TMEM214: variants seen among roughly 807,000 people sequenced by gnomAD.
The protein encoded by TMEM214 is transmembrane protein 214.
TMEM214 carries 71 observed loss-of-function variants against 89.8 expected under a neutral mutation model. The observed-to-expected ratio is 0.79, with a 90% CI of 0.65 to 0.96. The LOEUF is 0.96. TMEM214 is among the 40% of genes least tolerant of loss of function. TMEM214 has a pLI of 0.00. For missense variants in TMEM214, 754 were observed against 843.4 expected (o/e 0.89, Z 1.31); for synonymous variants, 332 against 349.5 (o/e 0.95, Z 0.56).
rs1300471317 is a variant in TMEM214 at position 27,038,664 on chromosome 2, C to G, written c.1294-38C>G. 1 of 1,607,826 alleles carries G rather than the reference C, an allele frequency of 6.2e-7. No homozygotes were observed. Among genetic ancestry groups the G allele is most frequent in the East Asian group, 2.2e-5 (1 of 44,822 alleles). On this transcript the variant is annotated intron_variant, in intron 11 of 16. Coordinates refer to ENST00000238788, the MANE Select transcript of TMEM214 (RefSeq NM_017727.5). The surrounding 1 kb of genome is among the most constrained non-coding windows in gnomAD (Gnocchi z 4.4). ...TGGAAAATGAAGCAGGATGGAAGCT[C>G]TGGATTCCCTCACAGGCCAGACCTT...
intron 9 of TMEM214, 177 bp from the exon 10 acceptor site, chr2:27,037,969 C>T (rs998512701): frequency 4.2e-5 from 65 of 1,555,956 alleles, no homozygotes; most frequent in Middle Eastern, 1.7e-4. Flanking sequence ...GAGCCCCAGC[C>T]TCCTGCTTTA....
rs779500677 is a variant in TMEM214 at position 27,037,708 on chromosome 2, G to T, written c.1152+6G>T. The T allele has an allele frequency of 3.7e-6, 6 of 1,613,986 alleles. No homozygotes were observed. In the African/African-American group the frequency reaches 8.0e-5, roughly 22 times the overall value. On this transcript the variant is annotated splice_donor_region_variant and intron_variant, in intron 9 of 16. Transcript: ENST00000238788. Reference sequence around the variant, plus strand: ...CCCCTGAGATGAAGAAAGAGGTGAGGATATGGTGGGAGGCTTTTTCTCCTT... The same window carrying T: ...CCCCTGAGATGAAGAAAGAGGTGAGTATATGGTGGGAGGCTTTTTCTCCTT...
At chr2:27,037,483 C>G in intron 8 of TMEM214, 78 bp from the exon 9 acceptor site, 1 of 1,577,946 alleles carries the variant, frequency 6.3e-7, no homozygotes. Flanking sequence ...CAGGCATGGG[C>G]TCTGAAGCAA....
At chr2:27,033,823 T>A (rs1558394280) in intron 1 of TMEM214, among the ~76,000 whole-genome samples, 1 of 152,058 alleles carries the variant, frequency 6.6e-6, no homozygotes, top group African/African-American at 2.4e-5. Flanking sequence ...CTACATACTC[T>A]GATTTGTCTA....
At chr2:27,039,219 C>T (rs964844188) in intron 13 of TMEM214, 55 bp downstream of exon 13, 46 of 1,449,046 alleles carry the variant, frequency 3.2e-5, no homozygotes, top group Non-Finnish European at 3.9e-5. Context: ...CAGAGCTACA[C>T]GTAGCACCAC....
rs554466610 is a variant in TMEM214, at chr2:27,041,059, C to T, written c.*222C>T. 4 of 554,618 alleles carry T rather than the reference C, an allele frequency of 7.2e-6. No individual in the cohort carries two copies. In the South Asian group the frequency reaches 9.6e-5, roughly 13 times the overall value. The allele number at this position is 554,618 out of a possible 1,614,324, so 34.4% of individuals were successfully genotyped here. On this transcript the variant is annotated 3_prime_UTR_variant, in exon 17 of 17. Transcript: ENST00000238788. ...ACAATTCCACTGAACACTTTTCTGGCCCTACTGCACATGGCCCCCAGCCTC... is the reference window on the plus strand; with the variant it reads ...ACAATTCCACTGAACACTTTTCTGGTCCTACTGCACATGGCCCCCAGCCTC...
intron 3 of TMEM214, 39 bp from the exon 4 acceptor site, chr2:27,035,555 T>C (rs1268231939): frequency 6.2e-7 from 1 of 1,611,394 alleles, no homozygotes; most frequent in Non-Finnish European, 8.5e-7. Context: ...CTGATGGGTG[T>C]CTGGTCCTAG....
At position 27,037,583 on chromosome 2, in the gene TMEM214, C is replaced by T; in HGVS notation, c.1033C>T (p.Leu345Phe). Residue 345 changes from leucine to phenylalanine, a missense_variant, in exon 9 of 17, where the codon CTC (leucine) becomes TTC (phenylalanine). Transcript: ENST00000238788. ...CAGCCTGCAGGAGCAGCTGTGTCAG[C>T]TCTACCCCCGACTGAAAGTGCTGGC... is the stretch of plus-strand genomic sequence containing the variant. ...TPSLQEQLCQ[L>F]YPRLKVLAFG... 1 of 1,614,206 alleles carries T rather than the reference C, an allele frequency of 6.2e-7. No individual in the cohort carries two copies. Among genetic ancestry groups the T allele is most frequent in the Non-Finnish European group, 8.5e-7 (1 of 1,180,036 alleles).
At chr2:27,033,263 C>A in intron 1 of TMEM214, 97 bp downstream of exon 1, 1 of 1,144,890 alleles carries the variant, frequency 8.7e-7, no homozygotes, top group Non-Finnish European at 1.1e-6. Context: ...GCAGGCACAT[C>A]CCCGAGCGCC....
At chr2:27,034,715 C>T in intron 2 of TMEM214, 1 of 209,146 alleles carries the variant, frequency 4.8e-6, no homozygotes, top group Non-Finnish European at 9.7e-6. Context: ...TCCCAAGCAG[C>T]TGGGATTACA....
chr2:27,038,036 G>A lies in TMEM214; in HGVS notation c.1153-110G>A, dbSNP rs1317973003. 6 of 1,609,868 alleles carry A rather than the reference G, an allele frequency of 3.7e-6. No homozygotes were observed. In the East Asian group the frequency reaches 8.9e-5, roughly 24 times the overall value. On this transcript the variant is annotated intron_variant, in intron 9 of 16. Coordinates refer to ENST00000238788, the MANE Select transcript of TMEM214 (RefSeq NM_017727.5). The surrounding 1 kb of genome is among the most constrained non-coding windows in gnomAD (Gnocchi z 4.4). Reference sequence around the variant, plus strand: ...CACTGTTTCTCCACCCCTTAGGGTGGATGTGCGGCCTGGATGGCCTTGCTT... The same window carrying A: ...CACTGTTTCTCCACCCCTTAGGGTGAATGTGCGGCCTGGATGGCCTTGCTT...
chr2:27,032,999 A>T lies in TMEM214; in HGVS notation c.-17A>T. On this transcript the variant is annotated 5_prime_UTR_variant, in exon 1 of 17. Coordinates refer to ENST00000238788, the MANE Select transcript of TMEM214 (RefSeq NM_017727.5). ...CGGAAAGCCGGGGAAGTGGCCGAGG[A>T]GGGAGGGCTGCGAGCCATGGCGACC... 8.0e-7 allele frequency: 1 copy of T among 1,244,060 alleles called. No homozygotes were observed. The highest frequency in any genetic ancestry group is 1.0e-6 in the Non-Finnish European group (1 of 986,582). 77.1% of individuals were successfully genotyped at this position (1,244,060 alleles called of 1,614,324 possible). A position where few individuals can be genotyped will look rare whatever the true frequency, so the allele number is the denominator to read the frequency against.
At chr2:27,036,974 G>T (rs1268331799) in intron 7 of TMEM214, 103 bp from the exon 8 acceptor site, 1 of 1,154,930 alleles carries the variant, frequency 8.7e-7, no homozygotes, top group African/African-American at 1.5e-5. Context: ...AGATGGGGTA[G>T]AGTTTATACC....
Position 27,038,088 on chromosome 2 carries a change from T to A in TMEM214, c.1153-58T>A, listed in dbSNP as rs1196749040. 73 of 1,613,044 alleles carry A rather than the reference T, an allele frequency of 4.5e-5. No homozygotes were observed. The highest frequency in any genetic ancestry group is 6.2e-5 in the Non-Finnish European group (73 of 1,179,848). On this transcript the variant is annotated intron_variant, in intron 9 of 16. Transcript: ENST00000238788. This position sits in a 1 kb window ranked among gnomAD's most constrained non-coding sequence, Gnocchi z 4.4. Reference sequence around the variant, plus strand: ...CGGGAAGGGGATCACCTCTTAGCACTCCCCGCCTCTGCCAGCCCCATGCCC... The same window carrying A: ...CGGGAAGGGGATCACCTCTTAGCACACCCCGCCTCTGCCAGCCCCATGCCC...
At chr2:27,036,842 T>G (rs914694938) in intron 7 of TMEM214, 56 bp downstream of exon 7, 3 of 1,561,336 alleles carry the variant, frequency 1.9e-6, no homozygotes, top group East Asian at 4.5e-5. Context: ...GTGGCTGTTA[T>G]AGCAAAATGG....
chr2:27,038,517 G>A lies in TMEM214; in HGVS notation c.1278G>A (p.Glu426=). ...TGGAGCACTTGCTCAGCTCCTGGGAGCAGATTCCCAAGAAGGTGAGGAGCT... is the reference window on the plus strand; with the variant it reads ...TGGAGCACTTGCTCAGCTCCTGGGAACAGATTCCCAAGAAGGTGAGGAGCT... ...LLLEHLLSSW[E]QIPKKVQKSL... The change falls in exon 11 of 17, where the codon GAG becomes GAA. Residue 426 remains glutamate, a synonymous_variant. Coordinates refer to ENST00000238788, the MANE Select transcript of TMEM214 (RefSeq NM_017727.5). This position sits in a 1 kb window ranked among gnomAD's most constrained non-coding sequence, Gnocchi z 4.4. The A allele has an allele frequency of 6.2e-7, 1 of 1,614,070 alleles. No individual in the cohort carries two copies. The highest frequency in any genetic ancestry group is 1.1e-5 in the South Asian group (1 of 91,092).
At chr2:27,033,933 C>G in intron 1 of TMEM214, 134 bp from the exon 2 acceptor site, 2 of 973,692 alleles carry the variant, frequency 2.1e-6, no homozygotes, top group East Asian at 2.4e-5. Context: ...TTAAGCAGTC[C>G]AAGAGGAAGG....
At chr2:27,036,982 A>G in intron 7 of TMEM214, 95 bp from the exon 8 acceptor site, 1 of 1,204,688 alleles carries the variant, frequency 8.3e-7, no homozygotes, top group Admixed American at 1.7e-5. Context: ...TAGAGTTTAT[A>G]CCCTTTTTCC....
At chr2:27,040,288 T>C in intron 15 of TMEM214, 57 bp from the exon 16 acceptor site, 1 of 1,610,280 alleles carries the variant, frequency 6.2e-7, no homozygotes, top group Non-Finnish European at 8.5e-7. Flanking sequence ...CCTGAGTCTT[T>C]AGGGCCAGGA....
Sources: allele counts gnomAD v4.1 joint callset (sites outside exome capture counted in the v4.1 genomes callset), GRCh38; gene constraint gnomAD v4.1.1; non-coding constraint Gnocchi (gnomAD v3.1); transcripts MANE v1.5; gene names NCBI Gene and HGNC (gene_info 2026-07-23, HGNC 2026-07-21).